The following ANKRD12 variants were observed in gnomAD, a reference collection of about 807,000 sequenced individuals.
The protein encoded by ANKRD12 is ankyrin repeat domain 12, also known as ankyrin repeat domain-containing protein 12.
In ANKRD12, 85 loss-of-function variants were observed where a neutral mutation model predicts 183.4. The observed-to-expected ratio is 0.46, with a 90% CI of 0.39 to 0.56. The LOEUF (loss-of-function observed/expected upper bound fraction) is 0.56. Among genes scored for constraint, ANKRD12 ranks in the 20% least tolerant of loss-of-function variants. The probability of loss-of-function intolerance (pLI) is 0.00; values close to 1 mark genes in which losing one functional copy is unlikely to be tolerated. For missense variants in ANKRD12, 2,405 were observed against 2,357.1 expected (o/e 1.02, Z -0.42); for synonymous variants, 914 against 800.2 (o/e 1.14, Z -2.40).
chr18:9,210,421 T>G (rs2035728037), intron 5 of ANKRD12, among the ~76,000 whole-genome samples: 1 of 151,762 alleles, frequency 6.6e-6, no homozygotes, highest in Non-Finnish European at 1.5e-5. Context: ...ACAATGTACT[T>G]TAAAATCCAA....
At chr18:9,276,118 T>C (rs2039821759) in intron 11 of ANKRD12, among the ~76,000 whole-genome samples, 1 of 152,232 alleles carries the variant, frequency 6.6e-6, no homozygotes, top group African/African-American at 2.4e-5. Flanking sequence ...ACTGGAGAAA[T>C]ATCTTCAATA....
intron 1 of ANKRD12, among the ~76,000 whole-genome samples, chr18:9,169,294 T>C (rs1360126643): frequency 6.6e-6 from 1 of 152,218 alleles, no homozygotes. Flanking sequence ...CTCGTTGATC[T>C]GTCTAATGTT....
chr18:9,188,726 A>G (rs911254444), intron 2 of ANKRD12, among the ~76,000 whole-genome samples: 2 of 152,136 alleles, frequency 1.3e-5, no homozygotes, highest in Non-Finnish European at 2.9e-5. Context: ...CATATTTCCA[A>G]CTTTTTCATT....
At chr18:9,218,884 C>T (rs751437337) in intron 7 of ANKRD12, among the ~76,000 whole-genome samples, 10 of 152,036 alleles carry the variant, frequency 6.6e-5, no homozygotes, top group Non-Finnish European at 1.3e-4. Context: ...TGGTCTTGAA[C>T]TCATGAGCTC....
chr18:9,186,081 T>C (rs1203188797), intron 2 of ANKRD12, among the ~76,000 whole-genome samples: 1 of 152,184 alleles, frequency 6.6e-6, no homozygotes. Context: ...TTCATGTATC[T>C]TTTGAAAGTT....
rs201628397 is a variant in ANKRD12, at chr18:9,188,328, AC to A, written c.87+5810del. 6.3e-3 allele frequency among the ~76,000 whole-genome samples: 964 copies of A among 152,328 alleles called. 7 individuals are homozygous for A. Among genetic ancestry groups the A allele is most frequent in the Middle Eastern group, 0.017 (5 of 294 alleles). On this transcript the variant is annotated intron_variant, in intron 2 of 12. Transcript: ENST00000262126. Reference sequence around the variant, plus strand: ...CTTTTCCCTAGAAGGAGACATTATTACACTGGACAGCAAACAGGTATGTCCT... The same window carrying A: ...CTTTTCCCTAGAAGGAGACATTATTAACTGGACAGCAAACAGGTATGTCCT...
intron 1 of ANKRD12, among the ~76,000 whole-genome samples, chr18:9,145,839 T>G (rs2078475360): frequency 6.6e-6 from 1 of 152,224 alleles, no homozygotes; most frequent in African/African-American, 2.4e-5. Flanking sequence ...TTTAGAAAGG[T>G]TCTTAAGGGT....
At chr18:9,157,585 G>GTGTGTGTGTATATATA (rs1472659778) in intron 1 of ANKRD12, among the ~76,000 whole-genome samples, 22 of 92,666 alleles carry the variant, frequency 2.4e-4, no homozygotes, top group African/African-American at 1.1e-3. Context: ...GTGTGTGTGT[G>GTGTGTGTGTATATATA]TATATATATA....
chr18:9,204,796 A>G (rs891593028), intron 4 of ANKRD12, among the ~76,000 whole-genome samples: 14 of 152,294 alleles, frequency 9.2e-5, no homozygotes, highest in African/African-American at 3.4e-4. Context: ...TTACAGCACA[A>G]TGTGGGGAAC....
intron 7 of ANKRD12, among the ~76,000 whole-genome samples, chr18:9,217,219 AT>A (rs2036159331): frequency 6.6e-6 from 1 of 152,174 alleles, no homozygotes; most frequent in Non-Finnish European, 1.5e-5. Context: ...ACAGTGTTGA[AT>A]TGCCTATCTT....
At chr18:9,193,068 A>G (rs2034554758) in intron 2 of ANKRD12, among the ~76,000 whole-genome samples, 1 of 150,732 alleles carries the variant, frequency 6.6e-6, no homozygotes, top group Admixed American at 6.6e-5. Context: ...AGTAATCCAT[A>G]TATTCCAAGG....
intron 1 of ANKRD12, among the ~76,000 whole-genome samples, chr18:9,153,782 A>AT (rs1476656004): frequency 6.6e-5 from 10 of 151,576 alleles, no homozygotes; most frequent in Admixed American, 2.6e-4. Context: ...AACTTTTAAT[A>AT]TTTTGTTTTT....
At chr18:9,248,353 C>T (rs1272135789) in intron 8 of ANKRD12, among the ~76,000 whole-genome samples, 1 of 152,212 alleles carries the variant, frequency 6.6e-6, no homozygotes, top group Non-Finnish European at 1.5e-5. Flanking sequence ...AAATCATTTA[C>T]ATAACAATTT....
chr18:9,269,962 A>G (rs2039507141), intron 10 of ANKRD12, among the ~76,000 whole-genome samples: 1 of 152,266 alleles, frequency 6.6e-6, no homozygotes, highest in Non-Finnish European at 1.5e-5. Flanking sequence ...GGATATGAAC[A>G]GACACTTCTC....
rs1348622925 is a variant in ANKRD12 at position 9,255,388 on chromosome 18, AGAT to A, written c.2122_2124del (p.Asp708del). 6.3e-7 allele frequency: 1 copy of A among 1,596,154 alleles called. No individual in the cohort carries two copies. Among genetic ancestry groups the A allele is most frequent in the Non-Finnish European group, 8.5e-7 (1 of 1,174,926 alleles). On this transcript the variant is annotated inframe_deletion, in exon 9 of 13. Coordinates refer to ENST00000262126, the MANE Select transcript of ANKRD12 (RefSeq NM_015208.5). ...ATTTTTTTAAAAGTGATGAAACTGA[AGAT>A]CTCTTTTTAAATATGGAACATGAAT...
chr18:9,164,381 T>G (rs1439589384), intron 1 of ANKRD12, among the ~76,000 whole-genome samples: 1 of 152,194 alleles, frequency 6.6e-6, no homozygotes, highest in Non-Finnish European at 1.5e-5. Flanking sequence ...AACTTGATTT[T>G]TTTGTGTGTC....
chr18:9,138,386 G>C (rs965097013), intron 1 of ANKRD12, among the ~76,000 whole-genome samples: 24 of 152,148 alleles, frequency 1.6e-4, no homozygotes, highest in Non-Finnish European at 3.4e-4. Flanking sequence ...GGTGGCGCAT[G>C]TCTGTAATCC....
chr18:9,161,104 G>A (rs187933657), intron 1 of ANKRD12, among the ~76,000 whole-genome samples: 3 of 152,078 alleles, frequency 2.0e-5, no homozygotes, highest in Non-Finnish European at 4.4e-5. Flanking sequence ...CTGTGTGTGT[G>A]TGTGTTGTTG....
intron 1 of ANKRD12, among the ~76,000 whole-genome samples, chr18:9,164,527 G>T (rs1343665254): frequency 6.6e-6 from 1 of 152,136 alleles, no homozygotes; most frequent in Non-Finnish European, 1.5e-5. Flanking sequence ...GCTTTTTGAT[G>T]TGGGCATTTA....
Sources: allele counts gnomAD v4.1 joint callset (sites outside exome capture counted in the v4.1 genomes callset), GRCh38; gene constraint gnomAD v4.1.1; transcripts MANE v1.5; gene names NCBI Gene and HGNC (gene_info 2026-07-23, HGNC 2026-07-21).